The following HLF variants were observed in gnomAD, a reference collection of about 807,000 sequenced individuals.
HLF encodes the protein hepatic leukemia factor.
Under a neutral mutation model 22.6 loss-of-function variants are expected in HLF, and 3 were observed. That is an observed-to-expected ratio of 0.13 (90% CI 0.06 to 0.34). The LOEUF is 0.34. Among genes scored for constraint, HLF ranks in the 10% least tolerant of loss-of-function variants. The pLI, the probability that HLF is intolerant of heterozygous loss-of-function variation, is 1.00. For synonymous variants in HLF, 151 were observed against 151.8 expected, an observed-to-expected ratio of 0.99 and a Z score of 0.04; for missense variants, 299 against 389.2, an observed-to-expected ratio of 0.77 and a Z score of 1.95.
rs574118218 is a variant in HLF at position 55,265,305 on chromosome 17, A to G, written c.-180A>G. 709 of 516,688 alleles carry G rather than the reference A, an allele frequency of 1.4e-3. 11 individuals are homozygous for G. Among genetic ancestry groups the G allele is most frequent in the African/African-American group, 0.013 (654 of 49,552 alleles). 32.0% of individuals were successfully genotyped at this position (516,688 alleles called of 1,614,324 possible). ...GGAAACCCGAAAGTTTTTTTTTAATATATATTTTTATGCAGATGTATTTAT... is the reference window on the plus strand; with the variant it reads ...GGAAACCCGAAAGTTTTTTTTTAATGTATATTTTTATGCAGATGTATTTAT... On this transcript the variant is annotated 5_prime_UTR_variant, in exon 1 of 4. In the 5' UTR this introduces an upstream ATG that the reference lacks. Coordinates refer to ENST00000226067, the MANE Select transcript of HLF (RefSeq NM_002126.5).
intron 3 of HLF, among the ~76,000 whole-genome samples, chr17:55,316,004 A>C (rs1905051040): frequency 6.6e-6 from 1 of 152,204 alleles, no homozygotes; most frequent in African/African-American, 2.4e-5. Context: ...TATGTATCTT[A>C]AGTAACGATC....
chr17:55,270,926 G>A (rs189577350), intron 2 of HLF, among the ~76,000 whole-genome samples: 15 of 152,208 alleles, frequency 9.9e-5, no homozygotes, highest in Middle Eastern at 3.4e-3. Context: ...ACAGGCGTGA[G>A]CCACCGCGCC....
chr17:55,294,493 C>G (rs992222397), intron 2 of HLF, among the ~76,000 whole-genome samples: 4 of 152,178 alleles, frequency 2.6e-5, no homozygotes, highest in Non-Finnish European at 4.4e-5. Flanking sequence ...GGGAGAGATA[C>G]GCACGTGAAA....
At chr17:55,268,751 C>A (rs1441265322) in intron 2 of HLF, among the ~76,000 whole-genome samples, 2 of 141,854 alleles carry the variant, frequency 1.4e-5, no homozygotes, top group Non-Finnish European at 3.1e-5. Context: ...TTTTTTTTTT[C>A]ATTTTCATCT....
Position 55,320,589 on chromosome 17 carries a change from C to A in HLF, c.673-75C>A. The A allele has an allele frequency of 7.4e-7, 1 of 1,357,912 alleles. No individual in the cohort carries two copies. The highest frequency in any genetic ancestry group is 1.0e-6 in the Non-Finnish European group (1 of 972,102). 84.1% of individuals were successfully genotyped at this position (1,357,912 alleles called of 1,614,324 possible). ...CCTCTGCACAATCCTGGAGCCTGCC[C>A]GTGCCCTGGCTGGCACTGGGCTTTG... On this transcript the variant is annotated intron_variant, in intron 3 of 3. Transcript: ENST00000226067. This position sits in a 1 kb window ranked among gnomAD's most constrained non-coding sequence, Gnocchi z 4.2.
At chr17:55,296,916 CT>C (rs2081116423) in intron 2 of HLF, among the ~76,000 whole-genome samples, 2 of 151,980 alleles carry the variant, frequency 1.3e-5, no homozygotes, top group African/African-American at 4.8e-5. Flanking sequence ...AGTATCTGTA[CT>C]TTTACAGAGC....
In HLF at chr17:55,265,656, C is replaced by T. The variant is rs2080780774; in HGVS notation, c.115+57C>T. The T allele has an allele frequency of 4.6e-6, 6 of 1,315,098 alleles. No homozygotes were observed. In the East Asian group the frequency reaches 1.0e-4, roughly 22 times the overall value. 81.5% of individuals were successfully genotyped at this position (1,315,098 alleles called of 1,614,324 possible). ...GGACGACGCTCCGGGGGTCCCCCTC[C>T]GCGGCCGGGCACGCCCGCTGGAGCA... On this transcript the variant is annotated intron_variant, in intron 1 of 3. Transcript: ENST00000226067.
chr17:55,277,233 TTATGTGTATGTG>T (rs1355914920), intron 2 of HLF, among the ~76,000 whole-genome samples: 1,837 of 138,910 alleles, frequency 0.013, 17 homozygotes, highest in East Asian at 0.05. Context: ...GAACCAGATG[TTATGTGTATGTG>T]TGTGTGTGTG....
At chr17:55,280,661 T>C (rs2080945387) in intron 2 of HLF, among the ~76,000 whole-genome samples, 1 of 152,194 alleles carries the variant, frequency 6.6e-6, no homozygotes, top group Non-Finnish European at 1.5e-5. Context: ...CCTCTAGTTG[T>C]TGTTGATGGG....
chr17:55,265,647 G>C (rs748367631), intron 1 of HLF, 48 bp downstream of exon 1: 6 of 1,369,908 alleles, frequency 4.4e-6, no homozygotes, highest in Non-Finnish European at 6.1e-6. Context: ...CGCTCCGGGG[G>C]TCCCCCTCCG....
At chr17:55,296,197 G>A (rs1309411808) in intron 2 of HLF, among the ~76,000 whole-genome samples, 6 of 152,214 alleles carry the variant, frequency 3.9e-5, no homozygotes, top group African/African-American at 1.4e-4. Flanking sequence ...ACAAGGTAGG[G>A]TTTGCAAGCT....
intron 2 of HLF, among the ~76,000 whole-genome samples, chr17:55,311,427 C>A (rs1904823415): frequency 1.3e-5 from 2 of 152,084 alleles, no homozygotes; most frequent in African/African-American, 4.8e-5. Flanking sequence ...TGGCTTGAAT[C>A]CAGGGGGTGG....
At chr17:55,310,604 A>G (rs547625341) in intron 2 of HLF, among the ~76,000 whole-genome samples, 1 of 152,166 alleles carries the variant, frequency 6.6e-6, no homozygotes, top group East Asian at 1.9e-4. Flanking sequence ...CTTTCTTCTC[A>G]TTGTCTTGCA....
chr17:55,281,770 G>A (rs910659272), intron 2 of HLF, among the ~76,000 whole-genome samples: 10 of 152,158 alleles, frequency 6.6e-5, no homozygotes, highest in African/African-American at 2.4e-4. Flanking sequence ...CATTGCCAAA[G>A]TATGTTTTCT....
At chr17:55,278,226 A>T (rs1207214506) in intron 2 of HLF, among the ~76,000 whole-genome samples, 1 of 152,260 alleles carries the variant, frequency 6.6e-6, no homozygotes, top group Non-Finnish European at 1.5e-5. Context: ...TGCATGCTAC[A>T]GAAAGATGCT....
At chr17:55,298,677 A>G (rs1296571234) in intron 2 of HLF, among the ~76,000 whole-genome samples, 1 of 152,222 alleles carries the variant, frequency 6.6e-6, no homozygotes, top group African/African-American at 2.4e-5. Flanking sequence ...GCAGGCCTAT[A>G]AATATGTGTG....
At chr17:55,307,830 T>TAAAA (rs11383235) in intron 2 of HLF, among the ~76,000 whole-genome samples, 8 of 136,172 alleles carry the variant, frequency 5.9e-5, no homozygotes, top group African/African-American at 1.9e-4. Flanking sequence ...ATAAATATTG[T>TAAAA]AAAAAAAAAA....
At chr17:55,266,759 A>G in intron 1 of HLF, 1 of 945,880 alleles carries the variant, frequency 1.1e-6, no homozygotes, top group Non-Finnish European at 1.3e-6. Flanking sequence ...ACTCAGAAGC[A>G]AATTCCTTAA....
intron 1 of HLF, among the ~76,000 whole-genome samples, chr17:55,267,090 C>T (rs1229367876): frequency 6.6e-6 from 1 of 152,242 alleles, no homozygotes; most frequent in Non-Finnish European, 1.5e-5. Context: ...AGTTCTCATT[C>T]TCTGCCAACA....
Sources: allele counts gnomAD v4.1 joint callset (sites outside exome capture counted in the v4.1 genomes callset), GRCh38; gene constraint gnomAD v4.1.1; non-coding constraint Gnocchi (gnomAD v3.1); transcripts MANE v1.5; gene names NCBI Gene and HGNC (gene_info 2026-07-23, HGNC 2026-07-21).